The following PRDM5 variants were observed in gnomAD, a reference collection of about 807,000 sequenced individuals.
PRDM5 encodes the protein PR/SET domain 5, also known as PR domain zinc finger protein 5.
In PRDM5, 56 loss-of-function variants were observed where a neutral mutation model predicts 81.2. The ratio of observed to expected loss-of-function variants is 0.69; its 90% CI spans 0.56 to 0.86. PRDM5 has a LOEUF of 0.86. Ranked by LOEUF, PRDM5 falls within the 40% of genes least tolerant of loss-of-function variation. The probability of loss-of-function intolerance (pLI) is 0.00; values close to 1 mark genes in which losing one functional copy is unlikely to be tolerated. For missense variants in PRDM5, 697 were observed against 770.1 expected, an observed-to-expected ratio of 0.91 and a Z score of 1.12; for synonymous variants, 267 against 256.4, an observed-to-expected ratio of 1.04 and a Z score of -0.39.
At chr4:120,887,014 C>T (rs767480343) in intron 2 of PRDM5, among the ~76,000 whole-genome samples, 3 of 151,484 alleles carry the variant, frequency 2.0e-5, no homozygotes, top group Non-Finnish European at 2.9e-5. Flanking sequence ...GGCCTGATCT[C>T]GGCTCACTGC....
chr4:120,737,327 T>C (rs529079698), intron 14 of PRDM5, among the ~76,000 whole-genome samples: 2 of 152,286 alleles, frequency 1.3e-5, no homozygotes, highest in South Asian at 4.1e-4. Context: ...CAGATAGAAC[T>C]GCCTCCCATA....
intron 4 of PRDM5, among the ~76,000 whole-genome samples, chr4:120,818,954 G>C (rs147938009): frequency 1.3e-5 from 2 of 152,266 alleles, no homozygotes; most frequent in East Asian, 3.9e-4. Flanking sequence ...AAAAGACCAA[G>C]GTCATAAAAA....
At chr4:120,726,026 C>A (rs1218493747) in intron 14 of PRDM5, among the ~76,000 whole-genome samples, 2 of 152,080 alleles carry the variant, frequency 1.3e-5, no homozygotes, top group African/African-American at 4.8e-5. Flanking sequence ...TGCCCCACTG[C>A]GAAGAGTGGC....
intron 2 of PRDM5, among the ~76,000 whole-genome samples, chr4:120,884,671 A>C (rs1763208048): frequency 6.6e-6 from 1 of 152,210 alleles, no homozygotes; most frequent in Admixed American, 6.5e-5. Context: ...GAAAAATAAC[A>C]AATGTGTTCA....
intron 14 of PRDM5, among the ~76,000 whole-genome samples, chr4:120,750,491 G>C (rs554713397): frequency 6.6e-6 from 1 of 152,226 alleles, no homozygotes; most frequent in East Asian, 1.9e-4. Flanking sequence ...TCCAGGCCTC[G>C]CATGAAGAAC....
intron 13 of PRDM5, among the ~76,000 whole-genome samples, chr4:120,774,896 A>AT (rs1747862155): frequency 9.1e-6 from 1 of 110,278 alleles, no homozygotes; most frequent in East Asian, 2.8e-4. Context: ...TTCTATATAT[A>AT]TATATATATA....
intron 3 of PRDM5, among the ~76,000 whole-genome samples, chr4:120,824,670 T>C (rs769913149): frequency 5.9e-5 from 9 of 152,202 alleles, no homozygotes; most frequent in Non-Finnish European, 1.3e-4. Context: ...TATTTGCATG[T>C]TGTTTTTTGG....
At chr4:120,872,996 C>T (rs1048424852) in intron 2 of PRDM5, among the ~76,000 whole-genome samples, 17 of 144,602 alleles carry the variant, frequency 1.2e-4, no homozygotes, top group African/African-American at 3.8e-4. Flanking sequence ...TGTGTTTTTA[C>T]CATATTTTTT....
chr4:120,712,938 G>T lies in PRDM5; in HGVS notation c.1624-2525C>A, dbSNP rs73845443. ...AAAAAATCTTGTACACTTGAATATA[G>T]GTGAAAGCAATTCTCTAAGGCATGT... On this transcript the variant is annotated intron_variant, in intron 14 of 15. Coordinates refer to ENST00000264808, the MANE Select transcript of PRDM5 (RefSeq NM_018699.4). Among the ~76,000 whole-genome samples, 601 of 152,234 alleles carry T rather than the reference G, an allele frequency of 3.9e-3. 9 individuals are homozygous for T. The highest frequency in any genetic ancestry group is 0.014 in the African/African-American group (566 of 41,560).
At chr4:120,806,212 T>C (rs13241727) in intron 8 of PRDM5, among the ~76,000 whole-genome samples, 5 of 152,288 alleles carry the variant, frequency 3.3e-5, no homozygotes, top group Admixed American at 2.6e-4. Flanking sequence ...CACAAACAAA[T>C]GGAAGAACGT....
At chr4:120,765,441 C>T (rs568699855) in intron 13 of PRDM5, among the ~76,000 whole-genome samples, 18 of 152,264 alleles carry the variant, frequency 1.2e-4, no homozygotes, top group Admixed American at 1.0e-3. Flanking sequence ...TGTCACAGTC[C>T]GTGGATTCCC....
chr4:120,789,226 T>C (rs2149259682), intron 10 of PRDM5, among the ~76,000 whole-genome samples: 1 of 152,280 alleles, frequency 6.6e-6, no homozygotes, highest in South Asian at 2.1e-4. Flanking sequence ...AAAAAATACA[T>C]AAAATCTGTT....
chr4:120,837,948 G>A (rs1004968268), intron 3 of PRDM5: 3 of 152,172 alleles, frequency 2.0e-5, no homozygotes, highest in Non-Finnish European at 2.9e-5. Context: ...GTCCACTGAG[G>A]TGAATTAAAT....
At chr4:120,733,708 G>A (rs1228829992) in intron 14 of PRDM5, among the ~76,000 whole-genome samples, 8 of 151,976 alleles carry the variant, frequency 5.3e-5, no homozygotes, top group African/African-American at 1.9e-4. Flanking sequence ...CTGTCCTTTC[G>A]ATGTTAATAA....
Position 120,804,388 on chromosome 4 carries a change from AG to A in PRDM5, c.946-4644del, listed in dbSNP as rs556375273. Among the ~76,000 whole-genome samples, 1,304 of 152,334 alleles carry A rather than the reference AG, an allele frequency of 8.6e-3. 20 individuals are homozygous for A. The highest frequency in any genetic ancestry group is 0.03 in the African/African-American group (1,235 of 41,560). Reference sequence around the variant, plus strand: ...ACAGAACTCTCCACCCCAAATCAACAGAACATACATTCTTCTCAGCACCACA... The same window carrying A: ...ACAGAACTCTCCACCCCAAATCAACAAACATACATTCTTCTCAGCACCACA... On this transcript the variant is annotated intron_variant, in intron 8 of 15. Coordinates refer to ENST00000264808, the MANE Select transcript of PRDM5 (RefSeq NM_018699.4).
chr4:120,714,917 C>A (rs75135121), intron 14 of PRDM5, among the ~76,000 whole-genome samples: 2 of 152,088 alleles, frequency 1.3e-5, no homozygotes, highest in African/African-American at 2.4e-5. Flanking sequence ...GGAAGGATTG[C>A]GGTTATAAAC....
intron 1 of PRDM5, among the ~76,000 whole-genome samples, chr4:120,908,837 G>A (rs1291882471): frequency 6.6e-6 from 1 of 152,216 alleles, no homozygotes; most frequent in Non-Finnish European, 1.5e-5. Context: ...GAAGCTAGAA[G>A]CCTACTCTGC....
chr4:120,794,560 T>C (rs62325579), intron 10 of PRDM5, among the ~76,000 whole-genome samples: 80 of 108,198 alleles, frequency 7.4e-4, no homozygotes, highest in South Asian at 2.1e-3. Context: ...CACACACACA[T>C]ACAAATACAC....
rs755093796 is a variant in PRDM5, at chr4:120,695,067, T to C, written c.*44A>G. 4 of 1,585,616 alleles carry C rather than the reference T, an allele frequency of 2.5e-6. No individual in the cohort carries two copies. The highest frequency in any genetic ancestry group is 4.5e-5 in the East Asian group (2 of 44,684). On this transcript the variant is annotated 3_prime_UTR_variant, in exon 16 of 16. Coordinates refer to ENST00000264808, the MANE Select transcript of PRDM5 (RefSeq NM_018699.4). The stretch of plus-strand genomic sequence containing the variant: ...TCAGGTGATAAAAATCTGGGATTCA[T>C]ATTAGGAGCCCTTCTGAATAGTTTA...
Sources: gnomAD v4.1 joint callset for allele counts (sites outside exome capture counted in the v4.1 genomes callset) on GRCh38, gnomAD v4.1.1 for gene constraint, MANE v1.5 for transcripts, NCBI Gene and HGNC (gene_info 2026-07-23, HGNC 2026-07-21) for gene names.